Variants in PC observed in about 807,000 individuals in gnomAD.
PC encodes pyruvate carboxylase.
A neutral mutation model predicts 107.8 loss-of-function variants in PC; 46 were observed. That is an observed-to-expected ratio of 0.43 (90% CI 0.34 to 0.55). PC has a LOEUF of 0.55. Among genes scored for constraint, PC ranks in the 20% least tolerant of loss-of-function variants. The pLI is 0.04. For synonymous variants in PC, 662 were observed against 684.7 expected (o/e 0.97, Z 0.52); for missense variants, 1,241 against 1,643.1 (o/e 0.76, Z 4.23).
chr11:66,941,100 A>AC (rs1555048763), intron 3 of PC, among the ~76,000 whole-genome samples: 8 of 149,048 alleles, frequency 5.4e-5, no homozygotes, highest in South Asian at 2.1e-4. Flanking sequence ...AAAAAAAAAA[A>AC]GGTGCTCAAC....
chr11:66,880,684 C>T (rs1947154923), intron 3 of PC, among the ~76,000 whole-genome samples: 1 of 152,248 alleles, frequency 6.6e-6, no homozygotes, highest in South Asian at 2.1e-4. Context: ...CCAGGCACTT[C>T]CTGCCATCTT....
intron 3 of PC, among the ~76,000 whole-genome samples, chr11:66,875,572 C>T (rs1187084993): frequency 6.6e-6 from 1 of 152,000 alleles, no homozygotes; most frequent in Non-Finnish European, 1.5e-5. Context: ...CAAGAAGGAG[C>T]CCAGGGGGGA....
In PC at chr11:66,852,078, C is replaced by T. The variant is rs1259656213; in HGVS notation, c.1826-132G>A. Reference sequence around the variant, plus strand: ...TGCTCATCTTCGCCATACCTGTGTTCCCTGCTCCAACCCCCACAGATTTTT... The same window carrying T: ...TGCTCATCTTCGCCATACCTGTGTTTCCTGCTCCAACCCCCACAGATTTTT... On this transcript the variant is annotated intron_variant, in intron 15 of 22. Transcript: ENST00000393960. The surrounding 1 kb of genome is among the most constrained non-coding windows in gnomAD (Gnocchi z 4.7). 1 of 920,788 alleles carries T rather than the reference C, an allele frequency of 1.1e-6. No individual in the cohort carries two copies. The allele number at this position is 920,788 out of a possible 1,614,324, so 57.0% of individuals were successfully genotyped here. A position where few individuals can be genotyped will look rare whatever the true frequency, so the allele number is the denominator to read the frequency against.
chr11:66,950,955 T>C (rs1565307916), intron 3 of PC, among the ~76,000 whole-genome samples: 1 of 151,020 alleles, frequency 6.6e-6, no homozygotes, highest in Admixed American at 6.6e-5. Context: ...AACAAGGGGG[T>C]GAAACTCGTG....
chr11:66,936,965 C>T (rs561985225), intron 3 of PC, among the ~76,000 whole-genome samples: 1 of 152,248 alleles, frequency 6.6e-6, no homozygotes, highest in South Asian at 2.1e-4. Context: ...GCCTCAGCCC[C>T]CTAAGTAGCT....
intron 3 of PC, among the ~76,000 whole-genome samples, chr11:66,943,755 C>CAAAAAAAAAAAA (rs34245785): frequency 5.7e-5 from 1 of 17,582 alleles, no homozygotes; most frequent in Non-Finnish European, 9.5e-5. Flanking sequence ...GACTCCGGCT[C>CAAAAAAAAAAAA]AAAAAAAAAA....
At chr11:66,851,680 C>G in intron 16 of PC, 110 bp downstream of exon 16, 4 of 1,185,748 alleles carry the variant, frequency 3.4e-6, no homozygotes, top group South Asian at 1.3e-5. Context: ...CGTGTGGCCA[C>G]AGAGAGACTT....
intron 3 of PC, among the ~76,000 whole-genome samples, chr11:66,941,152 G>A (rs1433265810): frequency 6.7e-6 from 1 of 149,266 alleles, no homozygotes; most frequent in African/African-American, 2.5e-5. Context: ...ACTACAATGA[G>A]ATATCACCTC....
Position 66,850,225 on chromosome 11 carries a change from T to C in PC, c.2713A>G (p.Ile905Val). 1 of 1,613,570 alleles carries C rather than the reference T, an allele frequency of 6.2e-7. No homozygotes were observed. Among genetic ancestry groups the C allele is most frequent in the Non-Finnish European group, 8.5e-7 (1 of 1,179,636 alleles). ...VEANQMLGDLIKVTPSSKIVG... is the reference protein window; with the variant it reads ...VEANQMLGDLVKVTPSSKIVG... Reference sequence around the variant, plus strand: ...GAGCACCGGGCCGGGCTCACCTTGATGAGATCGCCCAGCATCTGGTTGGCC... The same window carrying C: ...GAGCACCGGGCCGGGCTCACCTTGACGAGATCGCCCAGCATCTGGTTGGCC... Residue 905 changes from isoleucine to valine, a missense_variant, in exon 19 of 23, where the codon ATC (isoleucine) becomes GTC (valine). Physicochemically the swap from Ile to Val is conservative, Grantham distance 29. Coordinates refer to ENST00000393960, the MANE Select transcript of PC (RefSeq NM_001040716.2).
intron 3 of PC, among the ~76,000 whole-genome samples, chr11:66,940,249 A>G (rs2136130094): frequency 6.7e-6 from 1 of 150,046 alleles, no homozygotes; most frequent in Admixed American, 6.7e-5. Flanking sequence ...TCCAGGCTGG[A>G]ATGCAGTCGT....
chr11:66,880,422 C>T (rs1565256785), intron 3 of PC, among the ~76,000 whole-genome samples: 2 of 152,180 alleles, frequency 1.3e-5, no homozygotes, highest in Non-Finnish European at 2.9e-5. Context: ...GGCCTCTGCA[C>T]AGCACTTGGG....
At chr11:66,905,950 T>C (rs1183962536) in intron 3 of PC, among the ~76,000 whole-genome samples, 4 of 151,872 alleles carry the variant, frequency 2.6e-5, no homozygotes, top group African/African-American at 9.7e-5. Context: ...GAGGAGAAAC[T>C]GAGGCAGGAA....
intron 13 of PC, 170 bp from the exon 14 acceptor site, chr11:66,853,006 G>T: frequency 1.4e-6 from 1 of 697,962 alleles, no homozygotes; most frequent in Non-Finnish European, 2.4e-6. Context: ...CAGGCAGTGG[G>T]GACGTCTTGA....
Position 66,871,506 on chromosome 11 carries a change from C to CCCTTCCA in PC, c.322-27_322-26insTGGAAGG. On this transcript the variant is annotated intron_variant, in intron 5 of 22. Transcript: ENST00000393960. The surrounding 1 kb of genome is among the most constrained non-coding windows in gnomAD (Gnocchi z 7.4). ...CTGCAGGTGGGGGTCAGGGAGAGGA[C>CCCTTCCA]GGTACCTTGCAGTCCCTTCCAAGGC... The CCCTTCCA allele has an allele frequency of 6.2e-7, 1 of 1,612,694 alleles. No individual in the cohort carries two copies. The highest frequency in any genetic ancestry group is 8.5e-7 in the Non-Finnish European group (1 of 1,179,776).
intron 3 of PC, among the ~76,000 whole-genome samples, chr11:66,874,700 A>T (rs1398891489): frequency 6.6e-6 from 1 of 152,240 alleles, no homozygotes; most frequent in Non-Finnish European, 1.5e-5. Context: ...CGAGAACACA[A>T]CAGTGAAGGG....
chr11:66,876,488 G>C (rs1481776628), intron 3 of PC, among the ~76,000 whole-genome samples: 6 of 152,236 alleles, frequency 3.9e-5, no homozygotes, highest in Non-Finnish European at 8.8e-5. Context: ...AATGCCGCTG[G>C]AGGAGATAAC....
chr11:66,859,597 A>G, intron 12 of PC: 2 of 1,610,436 alleles, frequency 1.2e-6, no homozygotes, highest in Non-Finnish European at 1.7e-6. Context: ...ATGGGGCTAG[A>G]CCCCAGCCCC....
rs1251522964 is a variant in PC, at chr11:66,852,811, G to A, written c.1539C>T (p.Thr513=). Residue 513 remains threonine, a synonymous_variant, in exon 14 of 23, where the codon ACC becomes ACT. Coordinates refer to ENST00000393960, the MANE Select transcript of PC (RefSeq NM_001040716.2). The surrounding 1 kb of genome is among the most constrained non-coding windows in gnomAD (Gnocchi z 4.7). ...GGCTGGCCTTGACGGGAATCGGGGTGGTTGGACCGTTTACCATGACATGGC... is the reference window on the plus strand; with the variant it reads ...GGCTGGCCTTGACGGGAATCGGGGTAGTTGGACCGTTTACCATGACATGGC... ...YLGHVMVNGP[T]TPIPVKASPS... 6.3e-7 allele frequency: 1 copy of A among 1,582,370 alleles called. No individual in the cohort carries two copies. Among genetic ancestry groups the A allele is most frequent in the Non-Finnish European group, 8.6e-7 (1 of 1,160,776 alleles).
chr11:66,898,153 T>TGG (rs1176332746), intron 3 of PC, among the ~76,000 whole-genome samples: 1 of 152,200 alleles, frequency 6.6e-6, no homozygotes, highest in Non-Finnish European at 1.5e-5. Flanking sequence ...CTTCTGGAGC[T>TGG]GGGGTCCTCC....
Sources: allele counts gnomAD v4.1 joint callset (sites outside exome capture counted in the v4.1 genomes callset), GRCh38; gene constraint gnomAD v4.1.1; non-coding constraint Gnocchi (gnomAD v3.1); transcripts MANE v1.5; gene names NCBI Gene and HGNC (gene_info 2026-07-23, HGNC 2026-07-21).